Variants in DMD observed in about 807,000 individuals in gnomAD.
DMD encodes dystrophin, also known as mutant dystrophin.
In DMD, 63 loss-of-function variants were observed where a neutral mutation model predicts 330.1. The ratio of observed to expected loss-of-function variants is 0.19; its 90% CI spans 0.16 to 0.24. The LOEUF is 0.24. DMD is among the 10% of genes least tolerant of loss of function. The probability of loss-of-function intolerance (pLI) is 1.00; values close to 1 mark genes in which losing one functional copy is unlikely to be tolerated. For missense variants in DMD, 3,344 were observed against 2,684.1 expected, an observed-to-expected ratio of 1.25 and a Z score of -5.43; for synonymous variants, 1,223 against 959.8, an observed-to-expected ratio of 1.27 and a Z score of -5.07.
chrX:32,503,915 G>A (rs1240034076), intron 18 of DMD, among the ~76,000 whole-genome samples: 3 of 111,733 alleles, frequency 2.7e-5, no homozygotes, highest in African/African-American at 6.5e-5. Context: ...GAGACCTGAC[G>A]ATATCTGACT....
chrX:33,119,400 T>A (rs913689515), intron 1 of DMD, among the ~76,000 whole-genome samples: 7 of 112,553 alleles, frequency 6.2e-5, no homozygotes, highest in Non-Finnish European at 1.3e-4. Context: ...AACTGAACCA[T>A]GCTGTTACTC....
intron 50 of DMD, among the ~76,000 whole-genome samples, chrX:31,774,905 T>C (rs1399016073): frequency 8.9e-6 from 1 of 111,852 alleles, no homozygotes; most frequent in Non-Finnish European, 1.9e-5. Flanking sequence ...ATATGAATAG[T>C]GTTGGACACT....
At chrX:31,625,114 G>A (rs2148405443) in intron 55 of DMD, among the ~76,000 whole-genome samples, 1 of 111,900 alleles carries the variant, frequency 8.9e-6, no homozygotes, top group East Asian at 2.8e-4. Context: ...CTAAAAATCA[G>A]GAGTTGGCTA....
chrX:31,157,620 A>C lies in DMD; in HGVS notation c.10554-10102T>G, dbSNP rs185353397. Among the ~76,000 whole-genome samples, 5 of 110,980 alleles carry C rather than the reference A, an allele frequency of 4.5e-5. No individual in the cohort carries two copies. In the East Asian group the frequency reaches 1.4e-3, roughly 31 times the overall value. ...CCGTAACAGTCTCTAGAAGAATCATAATTTTAAGCTTTGTGTGTCCCGGCT... is the reference window on the plus strand; with the variant it reads ...CCGTAACAGTCTCTAGAAGAATCATCATTTTAAGCTTTGTGTGTCCCGGCT... On this transcript the variant is annotated intron_variant, in intron 74 of 78. Transcript: ENST00000357033.
intron 52 of DMD, among the ~76,000 whole-genome samples, chrX:31,680,278 AC>A (rs2082303052): frequency 9.1e-6 from 1 of 110,281 alleles, no homozygotes; most frequent in South Asian, 3.9e-4. Context: ...TGATTAATTT[AC>A]CCCCCAAATA....
At position 32,399,783 on chromosome X, in the gene DMD, C is replaced by T. The variant is rs1339463244; in HGVS notation, c.4234-9602G>A. ...TACACTGAAGAAATATCTGTACTCC[C>T]GTGTTTTATTGCGGCACTGTTCACA... On this transcript the variant is annotated intron_variant, in intron 30 of 78. Transcript: ENST00000357033. 2.7e-5 allele frequency among the ~76,000 whole-genome samples: 3 copies of T among 111,679 alleles called. No homozygotes were observed. In the South Asian group the frequency reaches 1.1e-3, roughly 42 times the overall value.
intron 7 of DMD, among the ~76,000 whole-genome samples, chrX:32,741,436 C>G (rs1038761619): frequency 4.5e-5 from 5 of 111,497 alleles, no homozygotes; most frequent in Non-Finnish European, 9.4e-5. Flanking sequence ...TTTTTAAACA[C>G]AAAATCCTAA....
intron 2 of DMD, among the ~76,000 whole-genome samples, chrX:32,892,801 C>T (rs578240415): frequency 1.4e-3 from 159 of 112,109 alleles, no homozygotes; most frequent in African/African-American, 4.7e-3. Context: ...CAGGCCTACA[C>T]GCTTGGCACA....
At chrX:32,904,666 C>T (rs190116950) in intron 2 of DMD, among the ~76,000 whole-genome samples, 25 of 112,125 alleles carry the variant, frequency 2.2e-4, no homozygotes, top group African/African-American at 7.1e-4. Context: ...CTCCGCCTCC[C>T]GGGCTCAAGC....
intron 50 of DMD, among the ~76,000 whole-genome samples, chrX:31,814,482 CAAAAAAAAAAAAAAAAAAA>C (rs151208391): frequency 1.0e-4 from 3 of 28,990 alleles, no homozygotes; most frequent in Admixed American, 6.7e-4. Flanking sequence ...GACTCCGTCT[CAAAAAAAAAAAAAAAAAAA>C]AAAAAAAAAA....
rs1003448221 is a variant in DMD at position 31,465,210 on chromosome X, T to A, written c.8937+12896A>T. On this transcript the variant is annotated intron_variant, in intron 59 of 78. Transcript: ENST00000357033. ...TAAATAATTTGGTCAGGATTTTTTT[T>A]TTATTATTATTATACTTTAAGTTCT... 5.0e-4 allele frequency among the ~76,000 whole-genome samples: 56 copies of A among 111,673 alleles called. 1 individual carries two copies. The highest frequency in any genetic ancestry group is 1.6e-3 in the African/African-American group (49 of 30,777).
rs1020620074 is a variant in DMD at position 31,632,964 on chromosome X, T to A, written c.8028-5102A>T. Among the ~76,000 whole-genome samples, 129 of 111,949 alleles carry A rather than the reference T, an allele frequency of 1.2e-3. 2 individuals carry two copies. The highest frequency in any genetic ancestry group is 2.8e-4 in the Non-Finnish European group (15 of 53,061). ...AAGCTGTCAACATTGCCTGGATTAGTAGTCCATTCCTAGCAAAACCAACTC... is the reference window on the plus strand; with the variant it reads ...AAGCTGTCAACATTGCCTGGATTAGAAGTCCATTCCTAGCAAAACCAACTC... On this transcript the variant is annotated intron_variant, in intron 54 of 78. Transcript: ENST00000357033.
At chrX:32,810,993 G>A (rs919832876) in intron 6 of DMD, among the ~76,000 whole-genome samples, 2 of 109,730 alleles carry the variant, frequency 1.8e-5, no homozygotes, top group African/African-American at 6.7e-5. Context: ...GTCTTTACTC[G>A]AAAATCACAT....
At chrX:31,748,768 T>C (rs1328916996) in intron 51 of DMD, among the ~76,000 whole-genome samples, 1 of 111,811 alleles carries the variant, frequency 8.9e-6, no homozygotes, top group African/African-American at 3.2e-5. Context: ...CACCCCTCAA[T>C]GGTTCTGTAC....
intron 36 of DMD, 71 bp from the exon 37 acceptor site, chrX:32,363,029 C>T: frequency 2.0e-6 from 2 of 1,023,387 alleles, no homozygotes; most frequent in Non-Finnish European, 2.7e-6. Flanking sequence ...AAAAGAGAGC[C>T]AAACAGAGCG....
At chrX:31,997,699 A>G (rs765879122) in intron 44 of DMD, among the ~76,000 whole-genome samples, 7 of 109,924 alleles carry the variant, frequency 6.4e-5, no homozygotes, top group East Asian at 2.9e-4. Flanking sequence ...ACCAGTTTTC[A>G]TTATTACTCA....
chrX:32,840,425 T>G (rs2080060537), intron 4 of DMD, among the ~76,000 whole-genome samples: 1 of 111,517 alleles, frequency 9.0e-6, no homozygotes, highest in South Asian at 3.8e-4. Context: ...GGTTTTAAGT[T>G]CCCTTCATAA....
chrX:31,856,479 A>G (rs2093614792), intron 48 of DMD, among the ~76,000 whole-genome samples: 1 of 112,190 alleles, frequency 8.9e-6, no homozygotes, highest in South Asian at 3.7e-4. Flanking sequence ...TTACCAGATT[A>G]CTTCTGTATT....
At chrX:32,965,153 T>C (rs760142724) in intron 2 of DMD, among the ~76,000 whole-genome samples, 104 of 111,354 alleles carry the variant, frequency 9.3e-4, no homozygotes, top group Non-Finnish European at 1.8e-3. Context: ...AGGAGTCCTA[T>C]AGGATAATTT....
Sources: gnomAD v4.1 joint callset for allele counts (sites outside exome capture counted in the v4.1 genomes callset) on GRCh38, gnomAD v4.1.1 for gene constraint, MANE v1.5 for transcripts, NCBI Gene and HGNC (gene_info 2026-07-23, HGNC 2026-07-21) for gene names.